The following GRID2 variants were observed in gnomAD, a reference collection of about 807,000 sequenced individuals.
GRID2 encodes glutamate ionotropic receptor delta type subunit 2.
In GRID2, 33 loss-of-function variants were observed where a neutral mutation model predicts 114.8. That is an observed-to-expected ratio of 0.29 (90% CI 0.22 to 0.38). The LOEUF (loss-of-function observed/expected upper bound fraction) is 0.38, where lower values mean the gene tolerates loss of function less well. GRID2 is among the 10% of genes least tolerant of loss of function. The pLI, the probability that GRID2 is intolerant of heterozygous loss-of-function variation, is 1.00. For missense variants in GRID2, 1,184 were observed against 1,257.7 expected (o/e 0.94, Z 0.89); for synonymous variants, 505 against 449.9 (o/e 1.12, Z -1.55).
intron 8 of GRID2, among the ~76,000 whole-genome samples, chr4:93,243,742 T>C (rs955324541): frequency 3.3e-5 from 5 of 152,102 alleles, no homozygotes; most frequent in African/African-American, 1.2e-4. Context: ...CTGATGTTCA[T>C]CTAAATTAAG....
At chr4:93,129,802 C>T (rs1414535492) in intron 4 of GRID2, among the ~76,000 whole-genome samples, 2 of 107,114 alleles carry the variant, frequency 1.9e-5, no homozygotes, top group Non-Finnish European at 3.6e-5. Context: ...AGTCATGTCT[C>T]CATTTAGACC....
chr4:92,442,081 C>G (rs1367098585), intron 1 of GRID2, among the ~76,000 whole-genome samples: 1 of 150,786 alleles, frequency 6.6e-6, no homozygotes, highest in Non-Finnish European at 1.5e-5. Context: ...GCAAGGGAAA[C>G]AGGCCCTTGA....
At chr4:92,826,749 C>T (rs1741732578) in intron 2 of GRID2, among the ~76,000 whole-genome samples, 1 of 152,000 alleles carries the variant, frequency 6.6e-6, no homozygotes, top group African/African-American at 2.4e-5. Flanking sequence ...TGTACAAAAC[C>T]TTATATTGAT....
intron 13 of GRID2, among the ~76,000 whole-genome samples, chr4:93,625,489 T>A (rs761879452): frequency 1.3e-5 from 2 of 152,242 alleles, no homozygotes; most frequent in Non-Finnish European, 2.9e-5. Context: ...TCATTCAGAA[T>A]AAAAGCTTAC....
At chr4:93,575,342 G>T (rs1736318501) in intron 13 of GRID2, among the ~76,000 whole-genome samples, 1 of 152,024 alleles carries the variant, frequency 6.6e-6, no homozygotes, top group African/African-American at 2.4e-5. Context: ...CTTCTTCATT[G>T]GTTCACGTGT....
rs1753393677 is a variant in GRID2 at position 92,969,986 on chromosome 4, T to C, written c.245-115009T>C. On this transcript the variant is annotated intron_variant, in intron 2 of 15. Coordinates refer to ENST00000282020, the MANE Select transcript of GRID2 (RefSeq NM_001510.4). ...CAGTCAGATTTTTTAATTTTGACTT[T>C]GGTTAATCCTAAAATTTCCGGGCTA... is the stretch of plus-strand genomic sequence containing the variant. Among the ~76,000 whole-genome samples the C allele has an allele frequency of 2.0e-5, 3 of 151,986 alleles. No homozygotes were observed. In the South Asian group the frequency reaches 6.2e-4, roughly 31 times the overall value.
At chr4:92,939,465 G>A (rs1750927423) in intron 2 of GRID2, among the ~76,000 whole-genome samples, 1 of 146,732 alleles carries the variant, frequency 6.8e-6, no homozygotes, top group Non-Finnish European at 1.5e-5. Flanking sequence ...CTGGATATTA[G>A]CCCTTTGTCA....
In GRID2 at chr4:92,445,028, C is replaced by T. The variant is rs149625176; in HGVS notation, c.88+140284C>T. ...GGTATTAGGCAACTGTAGCAGACAT[C>T]ATGTATCTGGACTTTAGCGAGTCAT... On this transcript the variant is annotated intron_variant, in intron 1 of 15. Transcript: ENST00000282020. 3.3e-5 allele frequency among the ~76,000 whole-genome samples: 5 copies of T among 152,118 alleles called. No homozygotes were observed. The East Asian group carries it at 9.7e-4, about 29-fold the overall frequency.
chr4:93,762,892 C>T (rs553480270), intron 14 of GRID2, among the ~76,000 whole-genome samples: 1 of 152,118 alleles, frequency 6.6e-6, no homozygotes, highest in Non-Finnish European at 1.5e-5. Context: ...ATCATACCAT[C>T]TGGAGGGCTA....
At chr4:93,301,915 T>C (rs899903869) in intron 8 of GRID2, among the ~76,000 whole-genome samples, 1 of 152,114 alleles carries the variant, frequency 6.6e-6, no homozygotes, top group African/African-American at 2.4e-5. Flanking sequence ...ATTCGACAAA[T>C]TTCTTGAGAG....
intron 2 of GRID2, among the ~76,000 whole-genome samples, chr4:92,905,002 A>G (rs1313302185): frequency 1.3e-5 from 2 of 152,050 alleles, no homozygotes; most frequent in African/African-American, 4.8e-5. Context: ...TTGCTACATC[A>G]ATATAAGCAG....
At chr4:93,348,742 A>G (rs1028824416) in intron 8 of GRID2, among the ~76,000 whole-genome samples, 1 of 152,174 alleles carries the variant, frequency 6.6e-6, no homozygotes, top group African/African-American at 2.4e-5. Context: ...CTGGGTATAT[A>G]TCAGCATGGG....
At position 92,652,698 on chromosome 4, in the gene GRID2, C is replaced by T. The variant is rs574425992; in HGVS notation, c.244+62412C>T. 9.6e-5 allele frequency among the ~76,000 whole-genome samples: 13 copies of T among 135,770 alleles called. 1 individual carries two copies. Among genetic ancestry groups the T allele is most frequent in the East Asian group, 2.5e-4 (1 of 3,962 alleles). The allele number at this position is 135,770 out of a possible 152,430, so 89.1% of individuals were successfully genotyped here. On this transcript the variant is annotated intron_variant, in intron 2 of 15. Transcript: ENST00000282020. ...AAAAATATGTAATTTTGGCCGGGCG[C>T]GGTGGCTCACTCCTGTAATCCCAGC...
At chr4:93,720,009 T>TG (rs1729217574) in intron 14 of GRID2, among the ~76,000 whole-genome samples, 1 of 152,206 alleles carries the variant, frequency 6.6e-6, no homozygotes, top group Non-Finnish European at 1.5e-5. Flanking sequence ...TATTTTTTGA[T>TG]GAAGTCTGTT....
chr4:93,623,488 T>C (rs2149685842), intron 13 of GRID2, among the ~76,000 whole-genome samples: 1 of 152,324 alleles, frequency 6.6e-6, no homozygotes, highest in South Asian at 2.1e-4. Context: ...TTACTGGGTA[T>C]ATACCCAAGG....
chr4:92,418,672 G>A (rs1731742923), intron 1 of GRID2, among the ~76,000 whole-genome samples: 1 of 152,002 alleles, frequency 6.6e-6, no homozygotes, highest in African/African-American at 2.4e-5. Context: ...TAGGTTTCTG[G>A]CTAGCTTAAT....
At position 92,801,629 on chromosome 4, in the gene GRID2, C is replaced by T. The variant is rs183664249; in HGVS notation, c.244+211343C>T. On this transcript the variant is annotated intron_variant, in intron 2 of 15. Coordinates refer to ENST00000282020, the MANE Select transcript of GRID2 (RefSeq NM_001510.4). ...TACATAACTTGGTCATCTTTACATG[C>T]GAATACTTATTTATAAAATATTTTT... Among the ~76,000 whole-genome samples, 147 of 151,700 alleles carry T rather than the reference C, an allele frequency of 9.7e-4. 1 individual carries two copies. Among genetic ancestry groups the T allele is most frequent in the Admixed American group, 6.1e-3 (92 of 15,184 alleles).
At chr4:93,805,271 A>AATT (rs546935043) in intron 1 of GRID2, among the ~76,000 whole-genome samples, 7 of 152,334 alleles carry the variant, frequency 4.6e-5, no homozygotes, top group African/African-American at 1.7e-4. Flanking sequence ...TAGTTAAATA[A>AATT]ATTATTTTGT....
chr4:92,946,887 C>T (rs1173549009), intron 2 of GRID2, among the ~76,000 whole-genome samples: 8 of 152,044 alleles, frequency 5.3e-5, no homozygotes, highest in Admixed American at 5.2e-4. Flanking sequence ...AATTCTGATA[C>T]TGCTGATCTG....
Sources: gnomAD v4.1 joint callset for allele counts (sites outside exome capture counted in the v4.1 genomes callset) on GRCh38, gnomAD v4.1.1 for gene constraint, MANE v1.5 for transcripts, NCBI Gene and HGNC (gene_info 2026-07-23, HGNC 2026-07-21) for gene names.